The following GRIA1 variants were observed in gnomAD, a reference collection of about 807,000 sequenced individuals.
GRIA1 encodes the protein glutamate receptor 1.
A neutral mutation model predicts 99.2 loss-of-function variants in GRIA1; 31 were observed. The ratio of observed to expected loss-of-function variants is 0.31; its 90% confidence interval spans 0.23 to 0.42. The LOEUF is 0.42. Among genes scored for constraint, GRIA1 ranks in the 10% least tolerant of loss-of-function variants. The probability of loss-of-function intolerance (pLI) is 1.00; values close to 1 mark genes in which losing one functional copy is unlikely to be tolerated. For synonymous variants in GRIA1, 438 were observed against 432.4 expected (o/e 1.01, Z -0.16); for missense variants, 782 against 1,157.5 (o/e 0.68, Z 4.71).
At chr5:153,536,827 C>T (rs1044871009) in intron 2 of GRIA1, among the ~76,000 whole-genome samples, 5 of 152,172 alleles carry the variant, frequency 3.3e-5, no homozygotes, top group Non-Finnish European at 2.9e-5. Context: ...TATTTCCGGT[C>T]AATTCTCTCT....
chr5:153,777,785 A>G (rs1282548609), intron 13 of GRIA1, among the ~76,000 whole-genome samples: 1 of 152,042 alleles, frequency 6.6e-6, no homozygotes, highest in African/African-American at 2.4e-5. Flanking sequence ...AAGCCCTAAT[A>G]TTTCTTTTTC....
rs145671012 is a variant in GRIA1, at chr5:153,735,588, C to A, written c.1824-28846C>A. ...CATTTCTGCCTTTTAGTTTTTACTT[C>A]TTCTTTCTTTGGAGGCAGAAATTGG... On this transcript the variant is annotated intron_variant, in intron 11 of 15. Transcript: ENST00000285900. 8.5e-3 allele frequency among the ~76,000 whole-genome samples: 1,294 copies of A among 152,194 alleles called. 7 individuals carry two copies. The highest frequency in any genetic ancestry group is 0.014 in the South Asian group (67 of 4,820).
In GRIA1 at chr5:153,765,413, T is replaced by C. The variant is rs140770172; in HGVS notation, c.2022+781T>C. 5.3e-5 allele frequency among the ~76,000 whole-genome samples: 8 copies of C among 152,334 alleles called. No individual in the cohort carries two copies. The East Asian group carries it at 1.4e-3, about 26-fold the overall frequency. On this transcript the variant is annotated intron_variant, in intron 12 of 15. Coordinates refer to ENST00000285900, the MANE Select transcript of GRIA1 (RefSeq NM_000827.4). ...CAAGGAACAATCAGTGGAGGTTCCATATACCATTAGGACTTCAAGGAAATG... is the reference window on the plus strand; with the variant it reads ...CAAGGAACAATCAGTGGAGGTTCCACATACCATTAGGACTTCAAGGAAATG...
rs1350015924 is a variant in GRIA1, at chr5:153,500,548, C to T, written c.220+6483C>T. ...CTCAGGTTCTTATAAAGGAAATAGG[C>T]ATAAACCAAATCTGCCTCTCTTTCT... On this transcript the variant is annotated intron_variant, in intron 2 of 15. Coordinates refer to ENST00000285900, the MANE Select transcript of GRIA1 (RefSeq NM_000827.4). Among the ~76,000 whole-genome samples the T allele has an allele frequency of 2.0e-5, 3 of 150,124 alleles. No individual in the cohort carries two copies. The Admixed American group carries it at 2.0e-4, about 10-fold the overall frequency.
intron 13 of GRIA1, among the ~76,000 whole-genome samples, chr5:153,788,338 A>G (rs1169223715): frequency 1.3e-5 from 2 of 152,024 alleles, no homozygotes; most frequent in Non-Finnish European, 2.9e-5. Context: ...TAGCCTTCTC[A>G]TTGGCTTCCA....
At chr5:153,593,564 TTTTG>T (rs201614939) in intron 2 of GRIA1, among the ~76,000 whole-genome samples, 1,739 of 152,298 alleles carry the variant, frequency 0.011, 33 homozygotes, top group African/African-American at 0.04. Flanking sequence ...CTTTATTGTT[TTTTG>T]TTTGTTTGCT....
At chr5:153,639,650 G>T (rs2216649) in intron 2 of GRIA1, among the ~76,000 whole-genome samples, 16,206 of 151,924 alleles carry the variant, frequency 0.11, 890 homozygotes, top group South Asian at 0.2. Flanking sequence ...AAATGGCCTT[G>T]TTTATTCACA....
At chr5:153,768,659 A>G (rs1763676752) in intron 12 of GRIA1, among the ~76,000 whole-genome samples, 1 of 152,200 alleles carries the variant, frequency 6.6e-6, no homozygotes, top group South Asian at 2.1e-4. Flanking sequence ...TCAATATCTT[A>G]CCAACAGTTG....
chr5:153,706,638 C>T lies in GRIA1; in HGVS notation c.1823+571C>T, dbSNP rs189069891. Among the ~76,000 whole-genome samples, 156 of 152,288 alleles carry T rather than the reference C, an allele frequency of 1.0e-3. 1 individual carries two copies. The highest frequency in any genetic ancestry group is 7.8e-4 in the Non-Finnish European group (53 of 68,024). On this transcript the variant is annotated intron_variant, in intron 11 of 15. Coordinates refer to ENST00000285900, the MANE Select transcript of GRIA1 (RefSeq NM_000827.4). ...GAGTAAGTTCTAGCACTGGTTCTAG[C>T]ACATGGGCCCTTTATGCGGCTCTCA...
rs185674337 is a variant in GRIA1 at position 153,546,790 on chromosome 5, A to G, written c.220+52725A>G. Among the ~76,000 whole-genome samples the G allele has an allele frequency of 2.8e-3, 424 of 152,318 alleles. 3 individuals are homozygous for G. The highest frequency in any genetic ancestry group is 9.8e-3 in the African/African-American group (406 of 41,570). ...ATTAGTGGGTATGTTAATGTGAAGA[A>G]CCAGCACTTGGACCAGTGCCTTATA... On this transcript the variant is annotated intron_variant, in intron 2 of 15. Coordinates refer to ENST00000285900, the MANE Select transcript of GRIA1 (RefSeq NM_000827.4).
At chr5:153,709,032 G>C (rs1349950803) in intron 11 of GRIA1, among the ~76,000 whole-genome samples, 1 of 152,200 alleles carries the variant, frequency 6.6e-6, no homozygotes, top group Non-Finnish European at 1.5e-5. Context: ...ATGTAGAAGA[G>C]AAGAGACATA....
intron 5 of GRIA1, among the ~76,000 whole-genome samples, chr5:153,664,087 T>C (rs1755572018): frequency 6.6e-6 from 1 of 152,228 alleles, no homozygotes; most frequent in Admixed American, 6.5e-5. Flanking sequence ...TGGTGAGCTA[T>C]GTAACTAGAA....
intron 2 of GRIA1, among the ~76,000 whole-genome samples, chr5:153,607,920 G>A (rs1253555328): frequency 6.6e-6 from 1 of 151,518 alleles, no homozygotes; most frequent in Non-Finnish European, 1.5e-5. Context: ...TTCCTTCTTT[G>A]TGAATAATAT....
At chr5:153,781,950 A>T (rs1209624234) in intron 13 of GRIA1, among the ~76,000 whole-genome samples, 1 of 152,220 alleles carries the variant, frequency 6.6e-6, no homozygotes, top group African/African-American at 2.4e-5. Flanking sequence ...CCAGGTAAAG[A>T]AGACGAGTAA....
chr5:153,657,268 T>C (rs10037403), intron 5 of GRIA1, among the ~76,000 whole-genome samples: 10,825 of 152,234 alleles, frequency 0.071, 1,294 homozygotes, highest in African/African-American at 0.25. Context: ...CAAAATTATT[T>C]TCCAAAGTGG....
chr5:153,748,140 T>TA, intron 11 of GRIA1, among the ~76,000 whole-genome samples: 1 of 152,216 alleles, frequency 6.6e-6, no homozygotes, highest in Non-Finnish European at 1.5e-5. Flanking sequence ...GGTACATATG[T>TA]AATTATATAA....
At chr5:153,566,304 C>CCTTTTTTTTTTTTTTTTTTTTTTTTTTTT (rs537995524) in intron 2 of GRIA1, among the ~76,000 whole-genome samples, 1 of 36,554 alleles carries the variant, frequency 2.7e-5, no homozygotes, top group East Asian at 1.2e-3. Context: ...AATTCCCTGC[C>CCTTTTTTTTTTTTTTTTTTTTTTTTTTTT]TTTTTTTTTT....
chr5:153,546,196 A>C (rs1759600483), intron 2 of GRIA1, among the ~76,000 whole-genome samples: 1 of 152,206 alleles, frequency 6.6e-6, no homozygotes, highest in African/African-American at 2.4e-5. Context: ...AGGTAGAGGC[A>C]GGTTTTCACT....
At chr5:153,594,575 T>C (rs1764264024) in intron 2 of GRIA1, among the ~76,000 whole-genome samples, 1 of 152,104 alleles carries the variant, frequency 6.6e-6, no homozygotes. Context: ...TTGTGCTTGT[T>C]TCCCATGATT....
Sources: gnomAD v4.1 joint callset for allele counts (sites outside exome capture counted in the v4.1 genomes callset) on GRCh38, gnomAD v4.1.1 for gene constraint, MANE v1.5 for transcripts, NCBI Gene and HGNC (gene_info 2026-07-23, HGNC 2026-07-21) for gene names.